The following CCSER1 variants were observed in gnomAD, a reference collection of about 807,000 sequenced individuals.
CCSER1 encodes the protein coiled-coil serine rich protein 1, also known as serine-rich coiled-coil domain-containing protein 1.
CCSER1 carries 41 observed loss-of-function variants against 82.0 expected under a neutral mutation model. The observed-to-expected ratio is 0.50, with a 90% CI of 0.39 to 0.65. The LOEUF is 0.65. Ranked by LOEUF, CCSER1 falls within the 30% of genes least tolerant of loss-of-function variation. The pLI is 0.00. For missense variants in CCSER1, 1,119 were observed against 1,064.2 expected, an observed-to-expected ratio of 1.05 and a Z score of -0.72; for synonymous variants, 414 against 383.9, an observed-to-expected ratio of 1.08 and a Z score of -0.92.
chr4:90,213,214 C>T (rs1433920096), intron 1 of CCSER1, among the ~76,000 whole-genome samples: 1 of 151,942 alleles, frequency 6.6e-6, no homozygotes. Context: ...TAAGGAATTG[C>T]TAGAGGATTA....
chr4:91,289,385 A>C (rs1210345519), intron 10 of CCSER1, among the ~76,000 whole-genome samples: 1 of 152,100 alleles, frequency 6.6e-6, no homozygotes, highest in Non-Finnish European at 1.5e-5. Flanking sequence ...AATCAGATTC[A>C]GATATTATGA....
chr4:90,604,995 T>G (rs1297998114), intron 5 of CCSER1, among the ~76,000 whole-genome samples: 2 of 129,912 alleles, frequency 1.5e-5, no homozygotes, highest in Admixed American at 7.1e-5. Flanking sequence ...GGCAACTGAG[T>G]GAGCTCCGCT....
At chr4:90,730,870 G>A (rs1454042558) in intron 7 of CCSER1, among the ~76,000 whole-genome samples, 1 of 152,098 alleles carries the variant, frequency 6.6e-6, no homozygotes, top group Non-Finnish European at 1.5e-5. Flanking sequence ...AGTAATACAA[G>A]TTTAGGTCAC....
At chr4:91,009,781 G>A (rs761100243) in intron 9 of CCSER1, among the ~76,000 whole-genome samples, 5 of 152,006 alleles carry the variant, frequency 3.3e-5, no homozygotes, top group Admixed American at 2.0e-4. Context: ...AAAACCTCTA[G>A]ATTTTTACCC....
At chr4:91,324,430 G>A (rs1192143617) in intron 10 of CCSER1, among the ~76,000 whole-genome samples, 1 of 152,074 alleles carries the variant, frequency 6.6e-6, no homozygotes, top group Non-Finnish European at 1.5e-5. Context: ...GTTCACACGA[G>A]CAAAATGTTG....
rs1424666891 is a variant in CCSER1, at chr4:91,556,131, A to G, written c.2218-42441A>G. 4.6e-5 allele frequency among the ~76,000 whole-genome samples: 7 copies of G among 151,442 alleles called. No homozygotes were observed. The East Asian group carries it at 1.3e-3, about 29-fold the overall frequency. ...AAAATGTTGTATTTGTAGTTATTTTAACGTAATATTTTTAGAGGAAATGAA... is the reference window on the plus strand; with the variant it reads ...AAAATGTTGTATTTGTAGTTATTTTGACGTAATATTTTTAGAGGAAATGAA... On this transcript the variant is annotated intron_variant, in intron 10 of 10. Transcript: ENST00000509176.
rs1029465718 is a variant in CCSER1, at chr4:91,085,618, C to T, written c.2173-332C>T. ...TAGGTGAACTAGAGTAGGAGGTTAC[C>T]ATCATAGAATATACTGTACATACTA... On this transcript the variant is annotated intron_variant, in intron 9 of 10. Transcript: ENST00000509176. 2.0e-5 allele frequency among the ~76,000 whole-genome samples: 3 copies of T among 152,056 alleles called. No homozygotes were observed. The East Asian group carries it at 5.8e-4, about 29-fold the overall frequency.
At chr4:90,296,375 G>A (rs1731922644) in intron 1 of CCSER1, among the ~76,000 whole-genome samples, 1 of 151,960 alleles carries the variant, frequency 6.6e-6, no homozygotes, top group Non-Finnish European at 1.5e-5. Context: ...TGTTTGAGTT[G>A]TAGATTCTGG....
At chr4:90,352,053 A>G (rs1743547206) in intron 3 of CCSER1, among the ~76,000 whole-genome samples, 1 of 152,236 alleles carries the variant, frequency 6.6e-6, no homozygotes, top group Non-Finnish European at 1.5e-5. Context: ...GGCCGGGCGC[A>G]GCGGCTCACG....
At chr4:90,809,853 T>C (rs1465246589) in intron 7 of CCSER1, among the ~76,000 whole-genome samples, 2 of 151,944 alleles carry the variant, frequency 1.3e-5, no homozygotes, top group African/African-American at 4.8e-5. Context: ...GATTGAGCCA[T>C]TGCACTCCAG....
intron 10 of CCSER1, among the ~76,000 whole-genome samples, chr4:91,114,450 G>A: frequency 6.6e-6 from 1 of 152,182 alleles, no homozygotes; most frequent in Admixed American, 6.5e-5. Context: ...CAGTCAAGAT[G>A]TCATCGTATT....
intron 7 of CCSER1, among the ~76,000 whole-genome samples, chr4:90,772,856 A>G (rs1254050588): frequency 6.6e-6 from 1 of 152,172 alleles, no homozygotes; most frequent in Non-Finnish European, 1.5e-5. Flanking sequence ...TTTTCCTCCT[A>G]AGTTTTTATA....
chr4:90,790,243 A>G (rs754541548), intron 7 of CCSER1, among the ~76,000 whole-genome samples: 2 of 152,226 alleles, frequency 1.3e-5, no homozygotes, highest in East Asian at 1.9e-4. Context: ...GGAGTAATTT[A>G]TACTGTACCC....
intron 10 of CCSER1, among the ~76,000 whole-genome samples, chr4:91,532,267 A>G (rs944746607): frequency 2.0e-5 from 3 of 152,196 alleles, no homozygotes; most frequent in East Asian, 1.9e-4. Context: ...ACCATCTTTA[A>G]CAATAAAATT....
intron 10 of CCSER1, among the ~76,000 whole-genome samples, chr4:91,391,304 T>A (rs1458930982): frequency 2.0e-5 from 3 of 152,122 alleles, no homozygotes; most frequent in African/African-American, 7.2e-5. Flanking sequence ...CTATCTGTTA[T>A]TTTTATTTTT....
At chr4:90,665,618 G>A (rs1731627638) in intron 6 of CCSER1, among the ~76,000 whole-genome samples, 1 of 152,138 alleles carries the variant, frequency 6.6e-6, no homozygotes, top group South Asian at 2.1e-4. Context: ...AGCGCCTCCG[G>A]CCATATGCTG....
At chr4:91,139,501 A>G (rs1210614909) in intron 10 of CCSER1, among the ~76,000 whole-genome samples, 1 of 152,162 alleles carries the variant, frequency 6.6e-6, no homozygotes, top group Non-Finnish European at 1.5e-5. Context: ...GCAGATATTG[A>G]ACAAAAAGAA....
chr4:91,260,975 T>C (rs533184572), intron 10 of CCSER1, among the ~76,000 whole-genome samples: 28 of 152,104 alleles, frequency 1.8e-4, no homozygotes, highest in Middle Eastern at 3.4e-3. Flanking sequence ...ATGTTAGCCA[T>C]GATGGTCTCG....
At chr4:90,758,706 C>T (rs1415574909) in intron 7 of CCSER1, among the ~76,000 whole-genome samples, 1 of 152,112 alleles carries the variant, frequency 6.6e-6, no homozygotes, top group Non-Finnish European at 1.5e-5. Flanking sequence ...TACCCAGTCC[C>T]TCTAACCATA....
Sources: gnomAD v4.1 joint callset for allele counts (sites outside exome capture counted in the v4.1 genomes callset) on GRCh38, gnomAD v4.1.1 for gene constraint, MANE v1.5 for transcripts, NCBI Gene and HGNC (gene_info 2026-07-23, HGNC 2026-07-21) for gene names.